The following NCAM1 variants were observed in gnomAD, a reference collection of about 807,000 sequenced individuals.
NCAM1 encodes neural cell adhesion molecule 1, also known as antigen recognized by monoclonal antibody 5.1H11.
Under a neutral mutation model 109.8 loss-of-function variants are expected in NCAM1, and 14 were observed. The ratio of observed to expected loss-of-function variants is 0.13; its 90% CI spans 0.08 to 0.20. The LOEUF is 0.20. Among genes scored for constraint, NCAM1 ranks in the 10% least tolerant of loss-of-function variants. The pLI is 1.00. For missense variants in NCAM1, 774 were observed against 1,109.9 expected, an observed-to-expected ratio of 0.70 and a Z score of 4.30; for synonymous variants, 418 against 442.9, an observed-to-expected ratio of 0.94 and a Z score of 0.70.
chr11:113,133,646 G>A (rs1482750973), intron 1 of NCAM1: 2 of 152,078 alleles, frequency 1.3e-5, no homozygotes, highest in Non-Finnish European at 2.9e-5. Flanking sequence ...TAAGACTCAG[G>A]TTTATGTGTG....
chr11:112,985,181 A>C (rs2134729853), intron 1 of NCAM1, among the ~76,000 whole-genome samples: 1 of 151,062 alleles, frequency 6.6e-6, no homozygotes, highest in South Asian at 2.1e-4. Flanking sequence ...ATAATGCCAC[A>C]TAATGCATGT....
At chr11:113,268,334 C>A (rs1240164265) in intron 17 of NCAM1, among the ~76,000 whole-genome samples, 9 of 152,214 alleles carry the variant, frequency 5.9e-5, no homozygotes, top group African/African-American at 1.9e-4. Flanking sequence ...AGCCCAGAGA[C>A]AGGTGTCCAG....
intron 2 of NCAM1, among the ~76,000 whole-genome samples, chr11:113,203,236 C>T (rs537101604): frequency 2.0e-5 from 3 of 152,286 alleles, no homozygotes; most frequent in African/African-American, 7.2e-5. Flanking sequence ...CCTTTAAATG[C>T]TGTCATGATT....
At chr11:113,017,023 G>A (rs1233504894) in intron 1 of NCAM1, among the ~76,000 whole-genome samples, 2 of 152,226 alleles carry the variant, frequency 1.3e-5, no homozygotes, top group Admixed American at 1.3e-4. Context: ...ACCAAATACA[G>A]TGTTCTCAAG....
intron 17 of NCAM1, chr11:113,264,598 C>A: frequency 1.3e-5 from 13 of 985,558 alleles, no homozygotes; most frequent in Non-Finnish European, 1.6e-5. Flanking sequence ...GCAGAAGTCA[C>A]ACGGCTTCAT....
chr11:113,184,969 C>T (rs1943454663), intron 1 of NCAM1, among the ~76,000 whole-genome samples: 1 of 150,890 alleles, frequency 6.6e-6, no homozygotes, highest in African/African-American at 2.4e-5. Flanking sequence ...TCTGGGTTCT[C>T]CAGAGAAAGA....
At chr11:113,114,553 G>T (rs1940602008) in intron 1 of NCAM1, among the ~76,000 whole-genome samples, 1 of 152,078 alleles carries the variant, frequency 6.6e-6, no homozygotes, top group Non-Finnish European at 1.5e-5. Context: ...ATTCTTTTTT[G>T]CTGTGCTTGG....
At chr11:113,040,418 A>G (rs1236746592) in intron 1 of NCAM1, among the ~76,000 whole-genome samples, 1 of 152,130 alleles carries the variant, frequency 6.6e-6, no homozygotes, top group Non-Finnish European at 1.5e-5. Context: ...GACAGCAAAC[A>G]TTTTCAGTAA....
chr11:113,128,167 A>C (rs782352385), intron 1 of NCAM1, among the ~76,000 whole-genome samples: 19 of 152,082 alleles, frequency 1.2e-4, no homozygotes, highest in Non-Finnish European at 2.8e-4. Context: ...ACAGCATCTA[A>C]TACGCTCAGC....
intron 1 of NCAM1, among the ~76,000 whole-genome samples, chr11:112,973,482 G>C (rs1310538465): frequency 6.6e-6 from 1 of 152,056 alleles, no homozygotes; most frequent in Non-Finnish European, 1.5e-5. Flanking sequence ...ATCTCCTTTT[G>C]GTGTTGGAGG....
intron 1 of NCAM1, among the ~76,000 whole-genome samples, chr11:112,965,721 A>T (rs1254084343): frequency 6.6e-6 from 1 of 152,216 alleles, no homozygotes; most frequent in Non-Finnish European, 1.5e-5. Flanking sequence ...TTTTGTCTTT[A>T]GTATTAAAGA....
intron 14 of NCAM1, among the ~76,000 whole-genome samples, chr11:113,242,430 G>T (rs61902539): frequency 0.035 from 5,377 of 152,104 alleles, 103 homozygotes; most frequent in Middle Eastern, 0.068. Flanking sequence ...GACCGGTCTG[G>T]GCAACCTTGT....
At chr11:113,114,672 C>T (rs1940610218) in intron 1 of NCAM1, among the ~76,000 whole-genome samples, 1 of 152,188 alleles carries the variant, frequency 6.6e-6, no homozygotes, top group Admixed American at 6.5e-5. Context: ...CCACAGTGCT[C>T]TGAGAGCACC....
At chr11:112,977,794 C>A (rs553249928) in intron 1 of NCAM1, among the ~76,000 whole-genome samples, 6 of 151,904 alleles carry the variant, frequency 3.9e-5, no homozygotes, top group Admixed American at 3.3e-4. Flanking sequence ...TTCTTCACAT[C>A]CTACTAAAAA....
In NCAM1 at chr11:113,273,493, A is replaced by G; in HGVS notation, c.2456+1617A>G. Reference sequence around the variant, plus strand: ...GAGCCCACCCAGCCCGGAGCCGCGAAGAGCCCGGCCGAGGCAGCCACAGCC... The same window carrying G: ...GAGCCCACCCAGCCCGGAGCCGCGAGGAGCCCGGCCGAGGCAGCCACAGCC... On this transcript the variant is annotated intron_variant, in intron 19 of 19. Coordinates refer to ENST00000316851, the MANE Select transcript of NCAM1 (RefSeq NM_181351.5). The surrounding 1 kb of genome is among the most constrained non-coding windows in gnomAD (Gnocchi z 6.0). 6.0e-6 allele frequency: 2 copies of G among 334,970 alleles called. No individual in the cohort carries two copies. Among genetic ancestry groups the G allele is most frequent in the South Asian group, 2.2e-5 (1 of 45,184 alleles). The allele number at this position is 334,970 out of a possible 1,614,324, so 20.7% of individuals were successfully genotyped here.
At chr11:113,020,751 T>TTTA (rs1401738818) in intron 1 of NCAM1, among the ~76,000 whole-genome samples, 12 of 151,798 alleles carry the variant, frequency 7.9e-5, no homozygotes, top group African/African-American at 1.7e-4. Flanking sequence ...TGTTCTGCTG[T>TTTA]TTATTATTAT....
At chr11:113,242,709 C>A (rs1555119331) in intron 14 of NCAM1, 3 of 1,036,872 alleles carry the variant, frequency 2.9e-6, no homozygotes, top group Admixed American at 1.7e-5. Flanking sequence ...AATATATACT[C>A]ACCCATGTAT....
intron 18 of NCAM1, among the ~76,000 whole-genome samples, chr11:113,270,818 G>C (rs1163438659): frequency 6.6e-5 from 10 of 152,120 alleles, no homozygotes; most frequent in Admixed American, 6.5e-4. Flanking sequence ...TGCAGGCAAG[G>C]CACTGTTCCC....
intron 7 of NCAM1, among the ~76,000 whole-genome samples, chr11:113,210,965 C>T (rs1555113594): frequency 1.3e-5 from 2 of 152,182 alleles, no homozygotes; most frequent in East Asian, 3.8e-4. Flanking sequence ...GAATGGGAAT[C>T]CTCCCCTGTC....
Sources: allele counts gnomAD v4.1 joint callset (sites outside exome capture counted in the v4.1 genomes callset), GRCh38; gene constraint gnomAD v4.1.1; non-coding constraint Gnocchi (gnomAD v3.1); transcripts MANE v1.5; gene names NCBI Gene and HGNC (gene_info 2026-07-23, HGNC 2026-07-21).